LINGO2: variants seen among roughly 807,000 people sequenced by gnomAD.
The protein encoded by LINGO2 is leucine rich repeat and Ig domain containing 2.
In LINGO2, 14 loss-of-function variants were observed where a neutral mutation model predicts 30.6. The observed-to-expected ratio is 0.46, with a 90% CI of 0.30 to 0.72. The LOEUF is 0.72. Ranked by LOEUF, LINGO2 falls within the 30% of genes least tolerant of loss-of-function variation. The probability of loss-of-function intolerance (pLI) is 0.07; values close to 1 mark genes in which losing one functional copy is unlikely to be tolerated. For synonymous variants in LINGO2, 317 were observed against 288.5 expected, an observed-to-expected ratio of 1.10 and a Z score of -1.00; for missense variants, 729 against 751.7, an observed-to-expected ratio of 0.97 and a Z score of 0.35.
At chr9:28,031,892 T>G (rs1416948362) in intron 4 of LINGO2, among the ~76,000 whole-genome samples, 1 of 152,132 alleles carries the variant, frequency 6.6e-6, no homozygotes, top group Non-Finnish European at 1.5e-5. Context: ...CTCCAAATCC[T>G]CCTTAAAATA....
chr9:29,119,577 CTTTTTTTTTTTTTT>C, the LINGO2 span, among the ~76,000 whole-genome samples: 8 of 82,514 alleles, frequency 9.7e-5, no homozygotes, highest in Non-Finnish European at 1.1e-4. Context: ...CAGTTGTCAT[CTTTTTTTTTTTTTT>C]TTTTTTTTTT....
intron 1 of LINGO2, among the ~76,000 whole-genome samples, chr9:28,507,518 T>G (rs1414492486): frequency 1.3e-5 from 2 of 152,038 alleles, no homozygotes; most frequent in African/African-American, 4.8e-5. Flanking sequence ...AAAACTGAAT[T>G]CCTGATCTTT....
At chr9:28,825,180 C>T in the LINGO2 span, among the ~76,000 whole-genome samples, 5 of 152,128 alleles carry the variant, frequency 3.3e-5, 1 homozygote, top group South Asian at 1.0e-3. Context: ...TTTCTTTTCT[C>T]GCCAATGCCT....
chr9:29,140,095 T>C, the LINGO2 span, among the ~76,000 whole-genome samples: 3 of 152,112 alleles, frequency 2.0e-5, no homozygotes, highest in Non-Finnish European at 4.4e-5. Flanking sequence ...GTCTTTCCTG[T>C]ATGAAGACAG....
chr9:28,713,405 G>T, the LINGO2 span, among the ~76,000 whole-genome samples: 1 of 152,012 alleles, frequency 6.6e-6, no homozygotes, highest in African/African-American at 2.4e-5. Context: ...CACACAATTT[G>T]CCCTCCGTTT....
intron 1 of LINGO2, among the ~76,000 whole-genome samples, chr9:28,609,161 T>TG (rs2135778046): frequency 6.6e-6 from 1 of 151,834 alleles, no homozygotes; most frequent in South Asian, 2.1e-4. Flanking sequence ...AAAGAGTTTT[T>TG]TTTTTTTTTT....
the LINGO2 span, among the ~76,000 whole-genome samples, chr9:29,008,517 G>A: frequency 1.3e-5 from 2 of 152,144 alleles, no homozygotes; most frequent in East Asian, 1.9e-4. Flanking sequence ...CTTCCACAAT[G>A]GTTGAACAAC....
the LINGO2 span, among the ~76,000 whole-genome samples, chr9:28,965,614 A>G: frequency 6.6e-6 from 1 of 152,070 alleles, no homozygotes. Context: ...GGTCAATACA[A>G]TAGGTTTTCC....
At chr9:28,794,218 C>T in the LINGO2 span, among the ~76,000 whole-genome samples, 3 of 152,132 alleles carry the variant, frequency 2.0e-5, no homozygotes, top group Non-Finnish European at 2.9e-5. Flanking sequence ...GCAGGAGAAT[C>T]GCTTGAATCC....
chr9:28,538,345 T>C (rs1821523266), intron 1 of LINGO2, among the ~76,000 whole-genome samples: 1 of 152,088 alleles, frequency 6.6e-6, no homozygotes. Flanking sequence ...ATATGGAAGA[T>C]GAGACTGGTG....
chr9:29,056,670 T>C, the LINGO2 span, among the ~76,000 whole-genome samples: 1 of 152,136 alleles, frequency 6.6e-6, no homozygotes, highest in African/African-American at 2.4e-5. Context: ...CCGACGACAA[T>C]GTCTAGAAGG....
chr9:28,584,933 A>AT (rs1046279252), intron 1 of LINGO2, among the ~76,000 whole-genome samples: 12 of 13,952 alleles, frequency 8.6e-4, no homozygotes, highest in African/African-American at 1.9e-3. Flanking sequence ...ACTGCAAGAG[A>AT]TTTTTTTTTT....
At chr9:29,137,163 G>C in the LINGO2 span, among the ~76,000 whole-genome samples, 2 of 152,082 alleles carry the variant, frequency 1.3e-5, no homozygotes, top group African/African-American at 4.8e-5. Flanking sequence ...GTTTTCAGAA[G>C]GGTACTGATG....
At chr9:29,032,818 G>T in the LINGO2 span, among the ~76,000 whole-genome samples, 9 of 152,094 alleles carry the variant, frequency 5.9e-5, no homozygotes, top group African/African-American at 2.2e-4. Flanking sequence ...TTATAATATT[G>T]TGTGGTTAAT....
chr9:28,779,914 C>T, the LINGO2 span, among the ~76,000 whole-genome samples: 1 of 152,074 alleles, frequency 6.6e-6, no homozygotes, highest in African/African-American at 2.4e-5. Flanking sequence ...TACTATCCCT[C>T]TGATGCACTT....
intron 4 of LINGO2, among the ~76,000 whole-genome samples, chr9:28,239,292 C>A (rs1377669670): frequency 6.6e-6 from 1 of 152,004 alleles, no homozygotes; most frequent in East Asian, 1.9e-4. Flanking sequence ...TCTATGAGGT[C>A]ATTATTGTCC....
the LINGO2 span, among the ~76,000 whole-genome samples, chr9:29,145,616 T>C: frequency 2.6e-5 from 4 of 152,162 alleles, no homozygotes; most frequent in African/African-American, 9.7e-5. Flanking sequence ...AAATATATTC[T>C]CATGACATAG....
the LINGO2 span, among the ~76,000 whole-genome samples, chr9:28,959,472 T>G: frequency 6.6e-6 from 1 of 151,856 alleles, no homozygotes; most frequent in East Asian, 1.9e-4. Context: ...AAAATAAGGA[T>G]GAGAAAAACT....
the LINGO2 span, among the ~76,000 whole-genome samples, chr9:28,887,544 C>T: frequency 6.6e-6 from 1 of 151,890 alleles, no homozygotes; most frequent in East Asian, 1.9e-4. Context: ...ACATATATGC[C>T]ACCTTATTGC....
Sources: allele counts gnomAD v4.1 joint callset (sites outside exome capture counted in the v4.1 genomes callset), GRCh38; gene constraint gnomAD v4.1.1; transcripts MANE v1.5; gene names NCBI Gene and HGNC (gene_info 2026-07-23, HGNC 2026-07-21).